The following ERC2 variants were observed in gnomAD, a reference collection of about 807,000 sequenced individuals.
The protein encoded by ERC2 is ERC protein 2.
A neutral mutation model predicts 114.8 loss-of-function variants in ERC2; 42 were observed. The observed-to-expected ratio is 0.37, with a 90% CI of 0.29 to 0.47. The LOEUF is 0.47. ERC2 is among the 20% of genes least tolerant of loss of function. The pLI is 0.99. For missense variants in ERC2, 939 were observed against 1,150.7 expected, an observed-to-expected ratio of 0.82 and a Z score of 2.66; for synonymous variants, 454 against 425.5, an observed-to-expected ratio of 1.07 and a Z score of -0.82.
intron 13 of ERC2, among the ~76,000 whole-genome samples, chr3:55,893,369 A>C (rs537306908): frequency 6.6e-6 from 1 of 152,240 alleles, no homozygotes; most frequent in East Asian, 1.9e-4. Flanking sequence ...GGATGCATTG[A>C]GGTCTGTCTC....
chr3:55,566,774 C>G (rs757054681), intron 17 of ERC2, among the ~76,000 whole-genome samples: 30 of 152,062 alleles, frequency 2.0e-4, no homozygotes, highest in Non-Finnish European at 1.0e-4. Flanking sequence ...TCTTGGCTCA[C>G]TGAAACCTCT....
intron 14 of ERC2, among the ~76,000 whole-genome samples, chr3:55,781,648 G>GATCAC (rs2069057856): frequency 6.6e-6 from 1 of 151,844 alleles, no homozygotes; most frequent in Non-Finnish European, 1.5e-5. Context: ...GAGGGGGGTG[G>GATCAC]ATCACCTGAG....
intron 17 of ERC2, among the ~76,000 whole-genome samples, chr3:55,603,577 G>T (rs1447992086): frequency 6.6e-6 from 1 of 150,746 alleles, no homozygotes; most frequent in Non-Finnish European, 1.5e-5. Flanking sequence ...CAAGCAGGTG[G>T]AGCTTGCAGT....
intron 6 of ERC2, among the ~76,000 whole-genome samples, chr3:56,112,910 T>C (rs1045778980): frequency 1.3e-5 from 2 of 152,084 alleles, no homozygotes; most frequent in Non-Finnish European, 2.9e-5. Flanking sequence ...TCATCAGACA[T>C]ATTAGCTACC....
intron 2 of ERC2, among the ~76,000 whole-genome samples, chr3:56,306,024 T>C (rs1464623882): frequency 6.6e-6 from 1 of 152,016 alleles, no homozygotes; most frequent in Non-Finnish European, 1.5e-5. Context: ...AACTTTTGTA[T>C]TTTTAGTAGA....
At chr3:56,266,384 C>T (rs2053309780) in intron 3 of ERC2, among the ~76,000 whole-genome samples, 1 of 152,066 alleles carries the variant, frequency 6.6e-6, no homozygotes, top group Admixed American at 6.6e-5. Flanking sequence ...CCCGCCTCGG[C>T]CTCCCAAAGT....
At chr3:55,538,474 G>A (rs1431881566) in intron 17 of ERC2, among the ~76,000 whole-genome samples, 1 of 152,208 alleles carries the variant, frequency 6.6e-6, no homozygotes, top group Non-Finnish European at 1.5e-5. Context: ...TCCCACACTG[G>A]GGACTGGGTT....
chr3:55,803,207 A>C (rs2059370186), intron 14 of ERC2, among the ~76,000 whole-genome samples: 1 of 152,214 alleles, frequency 6.6e-6, no homozygotes, highest in African/African-American at 2.4e-5. Context: ...CTACTATTCT[A>C]AACTGAATTT....
At position 55,950,358 on chromosome 3, in the gene ERC2, A is replaced by G. The variant is rs574650415; in HGVS notation, c.2403+67T>C. 20 of 1,581,342 alleles carry G rather than the reference A, an allele frequency of 1.3e-5. No homozygotes were observed. The African/African-American group carries it at 1.9e-4, about 15-fold the overall frequency. ...TTTCTGTGCATATTTTCTGGCACCA[A>G]TGGTGACATTTCTGAGAGAGTCCAT... On this transcript the variant is annotated intron_variant, in intron 13 of 17. Transcript: ENST00000288221.
intron 17 of ERC2, among the ~76,000 whole-genome samples, chr3:55,677,195 C>T (rs922803782): frequency 1.3e-5 from 2 of 152,078 alleles, no homozygotes; most frequent in Middle Eastern, 3.4e-3. Context: ...TTCTTTAAGC[C>T]GAAAGAAACC....
chr3:55,997,873 T>A, intron 10 of ERC2, among the ~76,000 whole-genome samples: 1 of 137,904 alleles, frequency 7.3e-6, no homozygotes, highest in Non-Finnish European at 1.5e-5. Context: ...TTATACATCT[T>A]AATTCTGTTT....
chr3:56,032,913 A>C (rs370787492), intron 7 of ERC2, among the ~76,000 whole-genome samples: 104 of 68,612 alleles, frequency 1.5e-3, no homozygotes, highest in African/African-American at 2.1e-3. Context: ...GAAAGAAAGA[A>C]AGAAAGAAAG....
At chr3:55,835,305 G>A (rs1416420927) in intron 14 of ERC2, among the ~76,000 whole-genome samples, 1 of 151,952 alleles carries the variant, frequency 6.6e-6, no homozygotes, top group Non-Finnish European at 1.5e-5. Flanking sequence ...ACCAAAAAAG[G>A]GAATTTTAGA....
intron 14 of ERC2, among the ~76,000 whole-genome samples, chr3:55,799,690 G>A (rs2070884022): frequency 6.6e-6 from 1 of 151,924 alleles, no homozygotes; most frequent in African/African-American, 2.4e-5. Context: ...CCATAGTAAG[G>A]ATGCATGACT....
At chr3:55,990,774 G>T (rs890610598) in intron 11 of ERC2, among the ~76,000 whole-genome samples, 4 of 152,056 alleles carry the variant, frequency 2.6e-5, no homozygotes, top group African/African-American at 9.7e-5. Context: ...CACTTTACCT[G>T]GGGACCAATT....
Position 56,434,377 on chromosome 3 carries a change from T to C in ERC2, c.631A>G (p.Met211Val). 2 of 1,613,852 alleles carry C rather than the reference T, an allele frequency of 1.2e-6. No homozygotes were observed. Among genetic ancestry groups the C allele is most frequent in the South Asian group, 2.2e-5 (2 of 91,074 alleles). ...AARMSVLKEQ[M>V]RVSHEENQHL... ...TGATTTTCTTCATGGGAAACCCTCA[T>C]CTGCTCCTTGAGGACAGACATCCGC... Residue 211 changes from methionine to valine, a missense_variant, in exon 2 of 18, where the codon ATG (methionine) becomes GTG (valine). Met to Val is a conservative substitution (Grantham distance 21). Around this residue, in one of 5 missense-constraint regions of ERC2, gnomAD observed 281 missense variants for 307.4 expected, o/e 0.91. Transcript: ENST00000288221.
At chr3:56,072,377 C>T (rs2076779312) in intron 7 of ERC2, 1 of 152,164 alleles carries the variant, frequency 6.6e-6, no homozygotes, top group Non-Finnish European at 1.5e-5. Flanking sequence ...GCAAAGATGC[C>T]TATTCTTAGG....
At chr3:56,411,258 A>G (rs1024733373) in intron 2 of ERC2, among the ~76,000 whole-genome samples, 3 of 151,626 alleles carry the variant, frequency 2.0e-5, no homozygotes, top group African/African-American at 7.3e-5. Context: ...GTAAATAACA[A>G]GAAAGATGTC....
intron 17 of ERC2, among the ~76,000 whole-genome samples, chr3:55,645,308 T>A (rs999592307): frequency 6.6e-6 from 1 of 152,212 alleles, no homozygotes; most frequent in Non-Finnish European, 1.5e-5. Context: ...TTTACTTTCA[T>A]CAGTACAGTT....
Sources: allele counts gnomAD v4.1 joint callset (sites outside exome capture counted in the v4.1 genomes callset), GRCh38; gene constraint gnomAD v4.1.1; regional missense constraint gnomAD v4.1.1; transcripts MANE v1.5; gene names NCBI Gene and HGNC (gene_info 2026-07-23, HGNC 2026-07-21).